Variants in GRM8 observed in about 807,000 individuals in gnomAD.
GRM8 encodes glutamate metabotropic receptor 8, also known as metabotropic glutamate receptor 8.
A neutral mutation model predicts 87.2 loss-of-function variants in GRM8; 47 were observed. The ratio of observed to expected loss-of-function variants is 0.54; its 90% CI spans 0.43 to 0.69. GRM8 has a LOEUF of 0.69. Among genes scored for constraint, GRM8 ranks in the 30% least tolerant of loss-of-function variants. GRM8 has a pLI of 0.00. For synonymous variants in GRM8, 396 were observed against 404.5 expected (o/e 0.98, Z 0.25); for missense variants, 1,019 against 1,139.2 (o/e 0.89, Z 1.52).
intron 3 of GRM8, among the ~76,000 whole-genome samples, chr7:127,073,735 C>T (rs1333523282): frequency 1.3e-5 from 2 of 152,126 alleles, no homozygotes; most frequent in African/African-American, 4.8e-5. Context: ...TGGGAGCAAG[C>T]CACCAGATGG....
intron 2 of GRM8, among the ~76,000 whole-genome samples, chr7:127,168,312 T>A (rs1425975438): frequency 3.3e-5 from 5 of 152,124 alleles, no homozygotes; most frequent in Non-Finnish European, 7.4e-5. Flanking sequence ...TGAGATACCA[T>A]CTCACGCTAG....
chr7:126,793,398 G>C (rs746445601), intron 6 of GRM8, among the ~76,000 whole-genome samples: 10 of 152,116 alleles, frequency 6.6e-5, no homozygotes, highest in Non-Finnish European at 1.5e-4. Context: ...TATCAGCACA[G>C]GCCACTTAAA....
intron 3 of GRM8, among the ~76,000 whole-genome samples, chr7:126,994,869 T>C (rs914810464): frequency 6.6e-6 from 1 of 152,022 alleles, no homozygotes; most frequent in Admixed American, 6.6e-5. Context: ...CACCTACTGA[T>C]TGTAGATCCC....
At chr7:126,712,151 G>C (rs1811169882) in intron 7 of GRM8, among the ~76,000 whole-genome samples, 1 of 152,014 alleles carries the variant, frequency 6.6e-6, no homozygotes. Context: ...CCTTTCAATT[G>C]AACACTTAGA....
chr7:126,449,137 C>T (rs1802337024), intron 9 of GRM8, among the ~76,000 whole-genome samples: 1 of 151,742 alleles, frequency 6.6e-6, no homozygotes, highest in Non-Finnish European at 1.5e-5. Flanking sequence ...TTCCAGTAGA[C>T]CTGGGTATGA....
At chr7:127,024,557 A>T (rs1332195675) in intron 3 of GRM8, among the ~76,000 whole-genome samples, 2 of 152,060 alleles carry the variant, frequency 1.3e-5, no homozygotes, top group Non-Finnish European at 2.9e-5. Context: ...CATCCTTCTA[A>T]CACACAAGAG....
intron 8 of GRM8, among the ~76,000 whole-genome samples, chr7:126,566,447 T>C (rs1794223386): frequency 2.0e-5 from 3 of 152,230 alleles, no homozygotes; most frequent in Admixed American, 1.3e-4. Context: ...TCCTGATGAT[T>C]TGCATAATCA....
At chr7:126,579,541 G>C (rs1326124695) in intron 8 of GRM8, among the ~76,000 whole-genome samples, 1 of 152,140 alleles carries the variant, frequency 6.6e-6, no homozygotes, top group Non-Finnish European at 1.5e-5. Context: ...GCAGGCAATA[G>C]ACCTGACAAG....
intron 2 of GRM8, among the ~76,000 whole-genome samples, chr7:127,180,389 A>T (rs1389926859): frequency 6.6e-6 from 1 of 152,092 alleles, no homozygotes; most frequent in Non-Finnish European, 1.5e-5. Context: ...CCGGGACCAG[A>T]CGGATTCACA....
At chr7:127,146,189 AGT>A (rs1828543231) in intron 2 of GRM8, among the ~76,000 whole-genome samples, 1 of 152,036 alleles carries the variant, frequency 6.6e-6, no homozygotes, top group Non-Finnish European at 1.5e-5. Context: ...TTGTTTTTTA[AGT>A]GTAATATAGA....
intron 3 of GRM8, among the ~76,000 whole-genome samples, chr7:126,947,650 A>G (rs1039790324): frequency 6.6e-6 from 1 of 152,104 alleles, no homozygotes; most frequent in Non-Finnish European, 1.5e-5. Flanking sequence ...CCCAATATGA[A>G]CATTCCAAGA....
chr7:126,553,252 T>TA (rs1562949873), intron 8 of GRM8, among the ~76,000 whole-genome samples: 2 of 152,144 alleles, frequency 1.3e-5, no homozygotes, highest in African/African-American at 2.4e-5. Flanking sequence ...AAATTATTTT[T>TA]AAAAAATCCC....
In GRM8 at chr7:126,881,028, T is replaced by C. The variant is rs1163560545; in HGVS notation, c.1156+21514A>G. Among the ~76,000 whole-genome samples the C allele has an allele frequency of 4.6e-5, 7 of 152,240 alleles. No homozygotes were observed. The East Asian group carries it at 7.7e-4, about 17-fold the overall frequency. On this transcript the variant is annotated intron_variant, in intron 6 of 10. Coordinates refer to ENST00000339582, the MANE Select transcript of GRM8 (RefSeq NM_000845.3). ...ATTTTCTTATCTGTGCCTTTTGGCA[T>C]GCTAGTGCTAGTGATCCTAATGTAG...
chr7:126,970,488 C>T (rs1810308683), intron 3 of GRM8, among the ~76,000 whole-genome samples: 1 of 152,170 alleles, frequency 6.6e-6, no homozygotes, highest in African/African-American at 2.4e-5. Flanking sequence ...TCTCTCCCTT[C>T]CTTTATAAAA....
At chr7:127,182,632 GGTGT>G (rs35530710) in intron 2 of GRM8, among the ~76,000 whole-genome samples, 12,040 of 141,548 alleles carry the variant, frequency 0.085, 580 homozygotes, top group East Asian at 0.16. Flanking sequence ...AAGAAAGTGT[GGTGT>G]GTGTGTGTGT....
chr7:126,600,931 GC>G (rs1205318627), intron 8 of GRM8, among the ~76,000 whole-genome samples: 3 of 110,466 alleles, frequency 2.7e-5, no homozygotes, highest in Non-Finnish European at 4.3e-5. Context: ...AACTAGAGTG[GC>G]ATTTTTTTTT....
intron 7 of GRM8, among the ~76,000 whole-genome samples, chr7:126,682,116 C>A (rs181143674): frequency 6.6e-6 from 1 of 152,136 alleles, no homozygotes; most frequent in African/African-American, 2.4e-5. Context: ...ATTATGGTAC[C>A]TTTCTTAGCA....
chr7:126,457,146 G>A (rs1384246258), intron 9 of GRM8, among the ~76,000 whole-genome samples: 1 of 151,300 alleles, frequency 6.6e-6, no homozygotes, highest in Non-Finnish European at 1.5e-5. Flanking sequence ...GAATAGATGA[G>A]TTTAATAACT....
intron 2 of GRM8, among the ~76,000 whole-genome samples, chr7:127,142,114 T>C (rs925344023): frequency 6.6e-6 from 1 of 151,946 alleles, no homozygotes; most frequent in African/African-American, 2.4e-5. Context: ...TCCCAAGTTA[T>C]AGGTATGCAC....
Sources: gnomAD v4.1 joint callset for allele counts (sites outside exome capture counted in the v4.1 genomes callset) on GRCh38, gnomAD v4.1.1 for gene constraint, MANE v1.5 for transcripts, NCBI Gene and HGNC (gene_info 2026-07-23, HGNC 2026-07-21) for gene names.